Variants in SLC43A2 observed in about 807,000 individuals in gnomAD.
SLC43A2 encodes large neutral amino acids transporter small subunit 4.
In SLC43A2, 38 loss-of-function variants were observed where a neutral mutation model predicts 63.2. That is an observed-to-expected ratio of 0.60 (90% CI 0.46 to 0.79). The LOEUF is 0.79. SLC43A2 is among the 30% of genes least tolerant of loss of function. The pLI, the probability that SLC43A2 is intolerant of heterozygous loss-of-function variation, is 0.00. For synonymous variants in SLC43A2, 322 were observed against 331.0 expected, an observed-to-expected ratio of 0.97 and a Z score of 0.30; for missense variants, 644 against 756.2, an observed-to-expected ratio of 0.85 and a Z score of 1.74.
At position 1,577,276 on chromosome 17, in the gene SLC43A2, C is replaced by T. The variant is rs898645722; in HGVS notation, c.1425-556G>A. Among the ~76,000 whole-genome samples, 13 of 152,288 alleles carry T rather than the reference C, an allele frequency of 8.5e-5. No homozygotes were observed. The highest frequency in any genetic ancestry group is 6.8e-3 in the Middle Eastern group (2 of 294). The stretch of plus-strand genomic sequence containing the variant: ...AGGGCCTGTGGGTGTCTGGCTGAGC[C>T]GAGTGGAAAGCGTGGTGCCAGCGGG... On this transcript the variant is annotated intron_variant, in intron 12 of 13. Coordinates refer to ENST00000301335, the MANE Select transcript of SLC43A2 (RefSeq NM_152346.3). This position sits in a 1 kb window ranked among gnomAD's most constrained non-coding sequence, Gnocchi z 4.9.
At chr17:1,591,166 C>T (rs778573129) in intron 8 of SLC43A2, 103 bp downstream of exon 8, 186 of 1,440,540 alleles carry the variant, frequency 1.3e-4, no homozygotes, top group African/African-American at 3.9e-4. Flanking sequence ...CAGAACAGGG[C>T]GGGCGGGGCC....
intron 13 of SLC43A2, 28 bp from the exon 14 acceptor site, chr17:1,575,793 C>T (rs1342629632): frequency 1.3e-6 from 2 of 1,590,120 alleles, no homozygotes; most frequent in African/African-American, 2.7e-5. Context: ...CCGCGCATCA[C>T]AGGGCGTGGT....
At chr17:1,589,840 T>C (rs1257470716) in intron 9 of SLC43A2, among the ~76,000 whole-genome samples, 2 of 152,132 alleles carry the variant, frequency 1.3e-5, no homozygotes, top group Non-Finnish European at 2.9e-5. Flanking sequence ...AGGCTGGTCT[T>C]GAACTCCTGA....
At chr17:1,623,118 C>A (rs990280700) in intron 2 of SLC43A2, among the ~76,000 whole-genome samples, 5 of 152,162 alleles carry the variant, frequency 3.3e-5, no homozygotes, top group African/African-American at 4.8e-5. Context: ...TCCTCCCCAT[C>A]CCCCAAGAAA....
intron 3 of SLC43A2, among the ~76,000 whole-genome samples, chr17:1,616,044 A>G (rs970039083): frequency 1.2e-4 from 16 of 128,422 alleles, no homozygotes; most frequent in South Asian, 4.7e-4. Context: ...CTCCGTCTTG[A>G]AAAAAAAAAA....
At chr17:1,576,540 C>A in intron 13 of SLC43A2, 57 bp downstream of exon 13, 1 of 1,545,052 alleles carries the variant, frequency 6.5e-7, no homozygotes, top group South Asian at 1.2e-5. Flanking sequence ...CCTTGCAGCT[C>A]GCAGTTAGCA....
At chr17:1,616,027 A>C (rs1907627789) in intron 3 of SLC43A2, among the ~76,000 whole-genome samples, 1 of 148,966 alleles carries the variant, frequency 6.7e-6, no homozygotes, top group African/African-American at 2.5e-5. Flanking sequence ...TGGGCGACAC[A>C]GCAAGACTCC....
At chr17:1,596,038 G>A (rs540082143) in intron 5 of SLC43A2, among the ~76,000 whole-genome samples, 40 of 152,180 alleles carry the variant, frequency 2.6e-4, no homozygotes, top group Admixed American at 4.6e-4. Flanking sequence ...AGTGAAAAGA[G>A]AGCCGGGCGC....
At chr17:1,604,045 CTTAT>C (rs997299645) in intron 5 of SLC43A2, among the ~76,000 whole-genome samples, 1 of 152,078 alleles carries the variant, frequency 6.6e-6, no homozygotes, top group African/African-American at 2.4e-5. Flanking sequence ...CATTCATTTA[CTTAT>C]TTATTTTTTG....
chr17:1,600,152 A>ATTTATATATT (rs1905823151), intron 5 of SLC43A2, among the ~76,000 whole-genome samples: 1 of 60,272 alleles, frequency 1.7e-5, no homozygotes, highest in Non-Finnish European at 3.2e-5. Flanking sequence ...ATATATATAT[A>ATTTATATATT]TTTTTTTTTT....
In SLC43A2 at chr17:1,590,840, T is replaced by C. The variant is rs1015304723; in HGVS notation, c.1040A>G (p.Asn347Ser). Residue 347 changes from asparagine to serine, a missense_variant, in exon 9 of 14, where the codon AAC (asparagine) becomes AGC (serine). Asn to Ser is a conservative substitution (Grantham distance 46). Coordinates refer to ENST00000301335, the MANE Select transcript of SLC43A2 (RefSeq NM_152346.3). ...GCCGCTGACCAGGAACTTGAGGATG[T>C]TGTTCATAGCCCCCATGTAGAAGAT... ...RLIFYMGAMNNILKFLVSGDQ... is the reference protein window; with the variant it reads ...RLIFYMGAMNSILKFLVSGDQ... 4 of 1,556,112 alleles carry C rather than the reference T, an allele frequency of 2.6e-6. No individual in the cohort carries two copies. Among genetic ancestry groups the C allele is most frequent in the Non-Finnish European group, 3.5e-6 (4 of 1,149,078 alleles).
chr17:1,589,131 T>C (rs1407166016), intron 9 of SLC43A2, among the ~76,000 whole-genome samples: 1 of 152,230 alleles, frequency 6.6e-6, no homozygotes, highest in Admixed American at 6.5e-5. Context: ...TGGCTTCCTC[T>C]ACTTCTTGAA....
chr17:1,591,049 G>C, intron 8 of SLC43A2, 101 bp from the exon 9 acceptor site: 1 of 1,377,214 alleles, frequency 7.3e-7, no homozygotes, highest in Non-Finnish European at 9.9e-7. Flanking sequence ...GGGGGCCCTC[G>C]GGACGGGCCT....
chr17:1,589,223 C>T (rs1199831667), intron 9 of SLC43A2, among the ~76,000 whole-genome samples: 2 of 152,208 alleles, frequency 1.3e-5, no homozygotes, highest in African/African-American at 2.4e-5. Context: ...GAGTAAAAGA[C>T]GCTGACTCAG....
rs528479476 is a variant in SLC43A2, at chr17:1,586,029, G to A, written c.1101C>T (p.Phe367=). ...GCAGGCACAGCAGCTGGAGCACGCCGAAGATGGAGGTGTAGAGGCCAACTG... is the reference window on the plus strand; with the variant it reads ...GCAGGCACAGCAGCTGGAGCACGCCAAAGATGGAGGTGTAGAGGCCAACTG... The part of the protein sequence containing the change: ...QKTVGLYTSI[F]GVLQLLCLLT... The change falls in exon 10 of 14, where the codon TTC becomes TTT. Residue 367 remains phenylalanine, a synonymous_variant. Transcript: ENST00000301335. 30 of 1,603,840 alleles carry A rather than the reference G, an allele frequency of 1.9e-5. No homozygotes were observed. Among genetic ancestry groups the A allele is most frequent in the East Asian group, 1.1e-4 (5 of 44,422 alleles).
At chr17:1,628,371 T>G in intron 1 of SLC43A2, 1 of 149,584 alleles carries the variant, frequency 6.7e-6, no homozygotes, top group Non-Finnish European at 1.5e-5. Flanking sequence ...CCCGAGACCC[T>G]TCCCCAGAGC....
At position 1,584,676 on chromosome 17, in the gene SLC43A2, C is replaced by T. The variant is rs570365439; in HGVS notation, c.1217+1237G>A. ...AAAAATATATATTAAAAAAATTAGC[C>T]GGGCGTGGTGGCGGGCGCCTGTAGT... is the stretch of plus-strand genomic sequence containing the variant. On this transcript the variant is annotated intron_variant, in intron 10 of 13. Coordinates refer to ENST00000301335, the MANE Select transcript of SLC43A2 (RefSeq NM_152346.3). Among the ~76,000 whole-genome samples, 8 of 151,996 alleles carry T rather than the reference C, an allele frequency of 5.3e-5. No individual in the cohort carries two copies. In the East Asian group the frequency reaches 9.7e-4, roughly 18 times the overall value.
chr17:1,599,690 G>C (rs540893873), intron 5 of SLC43A2, among the ~76,000 whole-genome samples: 1 of 151,990 alleles, frequency 6.6e-6, no homozygotes, highest in Admixed American at 6.6e-5. Context: ...AACACAGTTA[G>C]ACTCCGTCTC....
At chr17:1,587,380 C>T (rs9893937) in intron 9 of SLC43A2, among the ~76,000 whole-genome samples, 49,738 of 152,192 alleles carry the variant, frequency 0.33, 8,290 homozygotes, top group East Asian at 0.52. Flanking sequence ...TCCTGCTGTG[C>T]TCAGAGAGAG....
Sources: gnomAD v4.1 joint callset for allele counts (sites outside exome capture counted in the v4.1 genomes callset) on GRCh38, gnomAD v4.1.1 for gene constraint, Gnocchi (gnomAD v3.1) non-coding constraint, MANE v1.5 for transcripts, NCBI Gene and HGNC (gene_info 2026-07-23, HGNC 2026-07-21) for gene names.